Variants in JAZF1 observed in about 807,000 individuals in gnomAD.
The protein encoded by JAZF1 is JAZF zinc finger 1.
JAZF1 carries 8 observed loss-of-function variants against 26.4 expected under a neutral mutation model. The ratio of observed to expected loss-of-function variants is 0.30; its 90% CI spans 0.18 to 0.55. The LOEUF is 0.55. Ranked by LOEUF, JAZF1 falls within the 20% of genes least tolerant of loss-of-function variation. The pLI, the probability that JAZF1 is intolerant of heterozygous loss-of-function variation, is 0.94. For missense variants in JAZF1, 199 were observed against 322.0 expected (o/e 0.62, Z 2.92); for synonymous variants, 126 against 122.3 (o/e 1.03, Z -0.20).
intron 1 of JAZF1, among the ~76,000 whole-genome samples, chr7:28,179,709 G>C (rs1425721543): frequency 6.8e-6 from 1 of 147,892 alleles, no homozygotes; most frequent in East Asian, 2.0e-4. Flanking sequence ...AGGGCACCCA[G>C]AGCCCCCGGG....
intron 3 of JAZF1, among the ~76,000 whole-genome samples, chr7:27,853,485 CCA>C (rs1335361245): frequency 7.2e-5 from 11 of 152,126 alleles, no homozygotes; most frequent in African/African-American, 2.7e-4. Context: ...GGTGTCCTGT[CCA>C]GAGTTGGTTC....
At chr7:28,124,619 C>G (rs1782667750) in intron 1 of JAZF1, among the ~76,000 whole-genome samples, 1 of 152,168 alleles carries the variant, frequency 6.6e-6, no homozygotes, top group African/African-American at 2.4e-5. Context: ...TGCACTTTAC[C>G]TTCAGTTCAA....
At chr7:27,853,117 T>G (rs1783181483) in intron 3 of JAZF1, among the ~76,000 whole-genome samples, 1 of 152,146 alleles carries the variant, frequency 6.6e-6, no homozygotes, top group African/African-American at 2.4e-5. Context: ...ATAATGTACT[T>G]CTGCTGGTTT....
At chr7:28,178,293 C>T (rs1308084959) in intron 1 of JAZF1, among the ~76,000 whole-genome samples, 2 of 151,734 alleles carry the variant, frequency 1.3e-5, no homozygotes, top group Non-Finnish European at 2.9e-5. Context: ...AGTTTTAAAC[C>T]ATCTCAAACT....
intron 1 of JAZF1, among the ~76,000 whole-genome samples, chr7:28,091,463 A>G (rs1784295143): frequency 6.6e-6 from 1 of 151,594 alleles, no homozygotes; most frequent in African/African-American, 2.4e-5. Flanking sequence ...ATTTTTTTTT[A>G]TTTAGGTATT....
chr7:28,169,208 T>C (rs1412687944), intron 1 of JAZF1, among the ~76,000 whole-genome samples: 2 of 152,264 alleles, frequency 1.3e-5, no homozygotes, highest in African/African-American at 4.8e-5. Context: ...CGTTATACGT[T>C]AATCTCTTTA....
chr7:27,965,775 C>T (rs73089168), intron 2 of JAZF1, among the ~76,000 whole-genome samples: 11,012 of 152,206 alleles, frequency 0.072, 510 homozygotes, highest in Non-Finnish European at 0.11. Context: ...AGAAGGCATT[C>T]CTCCCTTATC....
chr7:27,994,822 A>T (rs939526501), intron 1 of JAZF1, among the ~76,000 whole-genome samples: 3 of 152,162 alleles, frequency 2.0e-5, no homozygotes, highest in African/African-American at 4.8e-5. Context: ...GGATTTAATT[A>T]TGCTGTTGAG....
intron 4 of JAZF1, among the ~76,000 whole-genome samples, chr7:27,837,180 A>C (rs971081139): frequency 1.3e-5 from 2 of 152,178 alleles, no homozygotes; most frequent in African/African-American, 4.8e-5. Context: ...ACAAAACAAA[A>C]AAACTTTAAA....
Position 28,173,941 on chromosome 7 carries a change from C to T in JAZF1, c.115+6522G>A, listed in dbSNP as rs141340964. The stretch of plus-strand genomic sequence containing the variant: ...AACTACTGCAACATTCCAGTGCTTA[C>T]AGCGAGGGGAAAATACAATTTTCTT... On this transcript the variant is annotated intron_variant, in intron 1 of 4. Transcript: ENST00000283928. Among the ~76,000 whole-genome samples the T allele has an allele frequency of 2.2e-3, 312 of 140,776 alleles. 1 individual carries two copies. Among genetic ancestry groups the T allele is most frequent in the African/African-American group, 7.6e-3 (288 of 37,730 alleles). The allele number at this position is 140,776 out of a possible 152,430, so 92.4% of individuals were successfully genotyped here.
At chr7:28,117,105 T>C (rs533732524) in intron 1 of JAZF1, among the ~76,000 whole-genome samples, 1 of 152,376 alleles carries the variant, frequency 6.6e-6, no homozygotes, top group African/African-American at 2.4e-5. Context: ...AGTCATTTTC[T>C]TATTCATTTG....
intron 1 of JAZF1, among the ~76,000 whole-genome samples, chr7:28,133,361 T>G (rs985581911): frequency 2.0e-5 from 3 of 151,962 alleles, no homozygotes; most frequent in Admixed American, 1.3e-4. Context: ...AAGGAAGGAG[T>G]ATCACAACAG....
At chr7:27,961,792 C>T (rs1785189138) in intron 2 of JAZF1, among the ~76,000 whole-genome samples, 1 of 152,186 alleles carries the variant, frequency 6.6e-6, no homozygotes, top group African/African-American at 2.4e-5. Flanking sequence ...AGCAACACTG[C>T]ATTTTAAGGG....
chr7:28,050,805 T>C (rs117186698), intron 1 of JAZF1, among the ~76,000 whole-genome samples: 2 of 152,326 alleles, frequency 1.3e-5, no homozygotes, highest in Non-Finnish European at 2.9e-5. Context: ...TCTTTTGTTA[T>C]TGATTCAGTC....
chr7:27,929,352 T>C (rs542239644), intron 2 of JAZF1, among the ~76,000 whole-genome samples: 30 of 152,144 alleles, frequency 2.0e-4, no homozygotes, highest in Non-Finnish European at 4.0e-4. Flanking sequence ...CCCTGAAAGA[T>C]CTGGTGGCCA....
At chr7:28,059,043 T>C (rs1783759455) in intron 1 of JAZF1, among the ~76,000 whole-genome samples, 1 of 152,190 alleles carries the variant, frequency 6.6e-6, no homozygotes, top group African/African-American at 2.4e-5. Flanking sequence ...GTGATTTCAA[T>C]AATTTTGACT....
intron 2 of JAZF1, among the ~76,000 whole-genome samples, chr7:27,900,974 C>CTT (rs35553979): frequency 7.0e-6 from 1 of 143,386 alleles, no homozygotes; most frequent in African/African-American, 2.6e-5. Flanking sequence ...TGTGTAAAAA[C>CTT]TTTTTTTTTT....
At chr7:28,149,281 CT>C (rs1188699011) in intron 1 of JAZF1, among the ~76,000 whole-genome samples, 1 of 152,162 alleles carries the variant, frequency 6.6e-6, no homozygotes, top group Non-Finnish European at 1.5e-5. Context: ...CATGAAAAGC[CT>C]CTTTTTTTCT....
Position 27,832,252 on chromosome 7 carries a change from T to C in JAZF1, c.*548A>G. On this transcript the variant is annotated 3_prime_UTR_variant, in exon 5 of 5. Transcript: ENST00000283928. ...TATGTTATTTAAATATGAAAATATT[T>C]TTAGCATATTATGTTAAACATTCTT... The C allele has an allele frequency of 4.7e-6, 1 of 212,218 alleles. No individual in the cohort carries two copies. Among genetic ancestry groups the C allele is most frequent in the Non-Finnish European group, 9.6e-6 (1 of 104,514 alleles). The allele number at this position is 212,218 out of a possible 1,614,324, so 13.1% of individuals were successfully genotyped here.
Sources: gnomAD v4.1 joint callset for allele counts (sites outside exome capture counted in the v4.1 genomes callset) on GRCh38, gnomAD v4.1.1 for gene constraint, MANE v1.5 for transcripts, NCBI Gene and HGNC (gene_info 2026-07-23, HGNC 2026-07-21) for gene names.